Variants in NF1 observed in about 807,000 individuals in gnomAD.
NF1 encodes the protein neurofibromin.
Under a neutral mutation model 325.7 loss-of-function variants are expected in NF1, and 122 were observed. The ratio of observed to expected loss-of-function variants is 0.37; its 90% confidence interval spans 0.32 to 0.44. The LOEUF is 0.44. Among genes scored for constraint, NF1 ranks in the 20% least tolerant of loss-of-function variants. The pLI is 1.00. For synonymous variants in NF1, 1,091 were observed against 1,186.0 expected (o/e 0.92, Z 1.65); for missense variants, 2,140 against 3,415.4 (o/e 0.63, Z 9.31).
intron 1 of NF1, among the ~76,000 whole-genome samples, chr17:31,147,697 A>T (rs1916671996): frequency 6.6e-6 from 1 of 152,194 alleles, no homozygotes; most frequent in Middle Eastern, 3.2e-3. Context: ...TTTGTAGAAG[A>T]CACAGCCTTC....
chr17:31,338,612 G>A lies in NF1; in HGVS notation c.6820-92G>A, dbSNP rs984785520. The A allele has an allele frequency of 9.7e-6, 8 of 821,582 alleles. No individual in the cohort carries two copies. The African/African-American group carries it at 1.4e-4, about 14-fold the overall frequency. The allele number at this position is 821,582 out of a possible 1,614,324, so 50.9% of individuals were successfully genotyped here. A position where few individuals can be genotyped will look rare whatever the true frequency, so the allele number is the denominator to read the frequency against. ...AATCATTCTAGCATTTATTAAATAAGTAAATGTTCCTGAATTCATTCCGAG... is the reference window on the plus strand; with the variant it reads ...AATCATTCTAGCATTTATTAAATAAATAAATGTTCCTGAATTCATTCCGAG... On this transcript the variant is annotated intron_variant, in intron 45 of 57. Transcript: ENST00000358273.
At chr17:31,291,215 G>A (rs924105421) in intron 36 of NF1, among the ~76,000 whole-genome samples, 1 of 152,096 alleles carries the variant, frequency 6.6e-6, no homozygotes, top group Non-Finnish European at 1.5e-5. Flanking sequence ...CTGTACCTTA[G>A]TGTTTGATAT....
intron 36 of NF1, among the ~76,000 whole-genome samples, chr17:31,289,882 C>T (rs1328610522): frequency 6.6e-6 from 1 of 151,886 alleles, no homozygotes; most frequent in Non-Finnish European, 1.5e-5. Flanking sequence ...TGAACATGGC[C>T]ATTTCATTCT....
At chr17:31,126,664 A>G (rs981278676) in intron 1 of NF1, among the ~76,000 whole-genome samples, 14 of 152,016 alleles carry the variant, frequency 9.2e-5, no homozygotes, top group African/African-American at 3.1e-4. Flanking sequence ...CTGGTCTTGA[A>G]TTCGTGAGCT....
Position 31,182,877 on chromosome 17 carries a change from A to G in NF1, c.888+212A>G, listed in dbSNP as rs148386157. 147 of 608,232 alleles carry G rather than the reference A, an allele frequency of 2.4e-4. 1 individual carries two copies. In the African/African-American group the frequency reaches 2.5e-3, roughly 10 times the overall value. 37.7% of individuals were successfully genotyped at this position (608,232 alleles called of 1,614,324 possible). On this transcript the variant is annotated intron_variant, in intron 8 of 57. Transcript: ENST00000358273. ...GGGAAAATAATACCAGGCAATGAAC[A>G]AAGATTTAAAATAATCCCTTAGTTT...
At chr17:31,356,630 G>T in intron 52 of NF1, 48 bp downstream of exon 52, 1 of 1,607,368 alleles carries the variant, frequency 6.2e-7, no homozygotes, top group Non-Finnish European at 8.5e-7. Flanking sequence ...AGGTGGGAGA[G>T]TACATGAAAG....
At chr17:31,360,308 TC>T (rs2070368846) in intron 56 of NF1, 178 bp from the exon 57 acceptor site, 2 of 625,884 alleles carry the variant, frequency 3.2e-6, no homozygotes, top group Non-Finnish European at 5.6e-6. Flanking sequence ...TGAATAGAAC[TC>T]CCTGTTGTAA....
chr17:31,201,551 T>C (rs969864842), intron 11 of NF1, 66 bp downstream of exon 11: 10 of 1,203,292 alleles, frequency 8.3e-6, no homozygotes, highest in Non-Finnish European at 1.1e-5. Context: ...TGCGTATTTC[T>C]TTTTAAGAAA....
Position 31,335,290 on chromosome 17 carries a change from A to ATATG in NF1, c.6006+262_6006+263insGTAT, listed in dbSNP as rs1555534476. 8.8e-4 allele frequency among the ~76,000 whole-genome samples: 63 copies of ATATG among 71,532 alleles called. 3 individuals carry two copies. Among genetic ancestry groups the ATATG allele is most frequent in the Non-Finnish European group, 1.2e-3 (37 of 30,724 alleles). The allele number at this position is 71,532 out of a possible 152,430, so 46.9% of individuals were successfully genotyped here. ...AAGGCATAATTATATATATATATAT[A>ATATG]TATATAATTATGCCTTGAAGGAGAC... On this transcript the variant is annotated intron_variant, in intron 40 of 57. Coordinates refer to ENST00000358273, the MANE Select transcript of NF1 (RefSeq NM_001042492.3).
chr17:31,252,816 AT>A, intron 30 of NF1, 121 bp from the exon 31 acceptor site: 1 of 767,018 alleles, frequency 1.3e-6, no homozygotes, highest in Admixed American at 2.5e-5. Flanking sequence ...TTGATTTCTA[AT>A]TTTTTGTTGA....
intron 1 of NF1, among the ~76,000 whole-genome samples, chr17:31,121,814 G>T (rs867881424): frequency 1.3e-5 from 2 of 152,142 alleles, no homozygotes; most frequent in African/African-American, 2.4e-5. Context: ...TGTACTGCTG[G>T]ATTCGGTTTG....
At chr17:31,335,419 A>G (rs2069641891) in intron 40 of NF1, among the ~76,000 whole-genome samples, 1 of 148,640 alleles carries the variant, frequency 6.7e-6, no homozygotes, top group Non-Finnish European at 1.5e-5. Flanking sequence ...AGGTGTCAGT[A>G]GATGTTTCTT....
intron 36 of NF1, among the ~76,000 whole-genome samples, chr17:31,310,433 T>TG (rs2068840012): frequency 7.7e-6 from 1 of 130,466 alleles, no homozygotes; most frequent in African/African-American, 2.9e-5. Context: ...AAGTTGGGGG[T>TG]GGGGGGAGAT....
chr17:31,344,309 G>A (rs2854311), intron 48 of NF1, among the ~76,000 whole-genome samples: 76,693 of 151,912 alleles, frequency 0.5, 20,994 homozygotes, highest in Middle Eastern at 0.62. Context: ...TTTACTCCCC[G>A]TTGCTGACTT....
In NF1 at chr17:31,152,496, T is replaced by A. The variant is rs138668892; in HGVS notation, c.61-3487T>A. On this transcript the variant is annotated intron_variant, in intron 1 of 57. Transcript: ENST00000358273. The stretch of plus-strand genomic sequence containing the variant: ...GTCACTTTATTGTAAATTTTTATTA[T>A]CTCGTATGTAATTTCTTTTTTATAT... Among the ~76,000 whole-genome samples, 1,045 of 148,710 alleles carry A rather than the reference T, an allele frequency of 7.0e-3. 10 individuals carry two copies. Among genetic ancestry groups the A allele is most frequent in the Middle Eastern group, 0.024 (7 of 292 alleles).
At chr17:31,095,446 G>GC in intron 1 of NF1, 77 bp downstream of exon 1, 1 of 1,370,850 alleles carries the variant, frequency 7.3e-7, no homozygotes, top group Non-Finnish European at 9.8e-7. Flanking sequence ...GGTAGGAGCG[G>GC]CCGCCTCCCC....
rs146094856 is a variant in NF1 at position 31,182,620 on chromosome 17, C to T, written c.843C>T (p.Ile281=). 2 of 1,613,826 alleles carry T rather than the reference C, an allele frequency of 1.2e-6. No homozygotes were observed. The highest frequency in any genetic ancestry group is 4.5e-5 in the East Asian group (2 of 44,858). The change falls in exon 8 of 58, where the codon ATC becomes ATT. Residue 281 remains isoleucine (I), a synonymous_variant. Coordinates refer to ENST00000358273, the MANE Select transcript of NF1 (RefSeq NM_001042492.3). The part of the protein sequence containing the change: ...IILLILCPEI[I]QDISKDVVDE... ...TCCTTATCTTGTGTCCAGAAATAAT[C>T]CAGGATATATCCAAAGACGTGGTTG... is the stretch of plus-strand genomic sequence containing the variant.
chr17:31,131,179 C>T (rs11868459), intron 1 of NF1, among the ~76,000 whole-genome samples: 81,759 of 152,052 alleles, frequency 0.54, 25,884 homozygotes, highest in Middle Eastern at 0.76. Flanking sequence ...GGCCCTGTTG[C>T]ACTACAGATG....
rs17886556 is a variant in NF1 at position 31,191,471 on chromosome 17, G to A, written c.888+8806G>A. 3.2e-3 allele frequency among the ~76,000 whole-genome samples: 494 copies of A among 152,232 alleles called. 2 individuals carry two copies. The highest frequency in any genetic ancestry group is 0.011 in the African/African-American group (471 of 41,522). On this transcript the variant is annotated intron_variant, in intron 8 of 57. Transcript: ENST00000358273. ...GCAATAAAAAGGAACTACTGACTCG[G>A]CAACATGTGTAAATCTCAAAAATAT...
Sources: gnomAD v4.1 joint callset for allele counts (sites outside exome capture counted in the v4.1 genomes callset) on GRCh38, gnomAD v4.1.1 for gene constraint, MANE v1.5 for transcripts, NCBI Gene and HGNC (gene_info 2026-07-23, HGNC 2026-07-21) for gene names.